Variants in UBE2J2 observed in about 807,000 individuals in gnomAD.
UBE2J2 encodes the protein ubiquitin-conjugating enzyme E2 J2.
In UBE2J2, 5 loss-of-function variants were observed where a neutral mutation model predicts 28.6. The observed-to-expected ratio is 0.17, with a 90% confidence interval of 0.09 to 0.37. UBE2J2 has a LOEUF of 0.37. Among genes scored for constraint, UBE2J2 ranks in the 10% least tolerant of loss-of-function variants. The pLI is 1.00. For missense variants in UBE2J2, 226 were observed against 338.9 expected, an observed-to-expected ratio of 0.67 and a Z score of 2.62; for synonymous variants, 138 against 139.7, an observed-to-expected ratio of 0.99 and a Z score of 0.09.
At position 1,268,050 on chromosome 1, in the gene UBE2J2, C is replaced by G. The variant is rs966565310; in HGVS notation, c.1-58G>C. The G allele has an allele frequency of 6.3e-7, 1 of 1,596,900 alleles. No individual in the cohort carries two copies. Among genetic ancestry groups the G allele is most frequent in the Non-Finnish European group, 8.6e-7 (1 of 1,169,114 alleles). On this transcript the variant is annotated intron_variant, in intron 1 of 6. Coordinates refer to ENST00000349431, the MANE Select transcript of UBE2J2 (RefSeq NM_058167.3). This position sits in a 1 kb window ranked among gnomAD's most constrained non-coding sequence, Gnocchi z 4.7. ...AAGCAGCGCCGGCCACAGCTCTCTC[C>G]CCTGGCGCAGCCCCACTCCCGCCTC...
intron 2 of UBE2J2, chr1:1,266,012 G>C (rs1264303958): frequency 1.6e-5 from 21 of 1,282,974 alleles, no homozygotes; most frequent in Non-Finnish European, 2.0e-5. Context: ...CTGACCCACA[G>C]ATTTGTGGGG....
chr1:1,270,486 C>T (rs2100245401), intron 1 of UBE2J2, among the ~76,000 whole-genome samples: 1 of 152,280 alleles, frequency 6.6e-6, no homozygotes, highest in East Asian at 1.9e-4. Flanking sequence ...AAATGTGTGG[C>T]CTCAGCACCA....
rs1570550834 is a variant in UBE2J2, at chr1:1,260,222, G to C, written c.173-2912C>G. Among the ~76,000 whole-genome samples the C allele has an allele frequency of 2.0e-5, 3 of 152,214 alleles. No individual in the cohort carries two copies. The East Asian group carries it at 5.8e-4, about 29-fold the overall frequency. On this transcript the variant is annotated intron_variant, in intron 3 of 6. Transcript: ENST00000349431. ...TCCACCAGGGAGAGGCGAAGCCCAG[G>C]AATGACACCCAGAAGACACAAGAGA...
chr1:1,260,183 G>A lies in UBE2J2; in HGVS notation c.173-2873C>T, dbSNP rs553465360. Among the ~76,000 whole-genome samples, 4 of 152,312 alleles carry A rather than the reference G, an allele frequency of 2.6e-5. No individual in the cohort carries two copies. In the East Asian group the frequency reaches 7.7e-4, roughly 29 times the overall value. On this transcript the variant is annotated intron_variant, in intron 3 of 6. Transcript: ENST00000349431. Reference sequence around the variant, plus strand: ...AGCAAGTGCCACTGTCACCCATCCTGGCGTGCGGCCACATCCACCAGGGAG... The same window carrying A: ...AGCAAGTGCCACTGTCACCCATCCTAGCGTGCGGCCACATCCACCAGGGAG...
intron 6 of UBE2J2, 27 bp downstream of exon 6, chr1:1,256,018 G>A (rs779400530): frequency 6.6e-7 from 1 of 1,522,866 alleles, no homozygotes; most frequent in East Asian, 2.3e-5. Flanking sequence ...CGCAGGGGAA[G>A]GCGAAACCCA....
At chr1:1,264,960 A>C (rs1312466490) in intron 2 of UBE2J2, 2 of 152,856 alleles carry the variant, frequency 1.3e-5, no homozygotes, top group African/African-American at 4.8e-5. Flanking sequence ...ATGATGTATC[A>C]GCAGAGCCAG....
rs768438753 is a variant in UBE2J2 at position 1,256,992 on chromosome 1, C to T, written c.414G>A (p.Thr138=). 6.5e-6 allele frequency: 10 copies of T among 1,545,842 alleles called. No homozygotes were observed. The highest frequency in any genetic ancestry group is 4.0e-5 in the Admixed American group (2 of 50,302). Residue 138 remains threonine, a splice_region_variant and synonymous_variant, in exon 5 of 7, where the codon ACG becomes ACA. Coordinates refer to ENST00000349431, the MANE Select transcript of UBE2J2 (RefSeq NM_058167.3). ...TLGSIETSDF[T]KRQLAVQSLA... Reference sequence around the variant, plus strand: ...ACCAGGGAGAGGCTCTAAAACTTACCGTGAAGTCCGACGTCTCTATACTGC... The same window carrying T: ...ACCAGGGAGAGGCTCTAAAACTTACTGTGAAGTCCGACGTCTCTATACTGC...
At chr1:1,259,675 C>T (rs1018070620) in intron 3 of UBE2J2, among the ~76,000 whole-genome samples, 1 of 152,198 alleles carries the variant, frequency 6.6e-6, no homozygotes, top group Non-Finnish European at 1.5e-5. Context: ...CTGATCCACC[C>T]AGACGCCCGC....
At position 1,254,113 on chromosome 1, in the gene UBE2J2, T is replaced by C. The variant is rs1557543105; in HGVS notation, c.*1090A>G. On this transcript the variant is annotated 3_prime_UTR_variant, in exon 7 of 7. Coordinates refer to ENST00000349431, the MANE Select transcript of UBE2J2 (RefSeq NM_058167.3). ...GCGGCCGTGCCCCACCTCGACGCGA[T>C]GCACCTGCGGTACATCCCACCCAGG... 6.6e-6 allele frequency: 1 copy of C among 152,166 alleles called. No homozygotes were observed. 9.4% of individuals were successfully genotyped at this position (152,166 alleles called of 1,614,324 possible). A position where few individuals can be genotyped will look rare whatever the true frequency, so the allele number is the denominator to read the frequency against.
Position 1,266,828 on chromosome 1 carries a change from AAATAAT to A in UBE2J2, c.131+1028_131+1033del, listed in dbSNP as rs767336507. Among the ~76,000 whole-genome samples the A allele has an allele frequency of 4.6e-5, 7 of 152,318 alleles. 1 individual carries two copies. The highest frequency in any genetic ancestry group is 2.1e-4 in the South Asian group (1 of 4,824). On this transcript the variant is annotated intron_variant, in intron 2 of 6. Coordinates refer to ENST00000349431, the MANE Select transcript of UBE2J2 (RefSeq NM_058167.3). ...GGTGACAGTGCAAGACTGTCTCAAA[AAATAAT>A]AATAAGTAATTTTTTTTTAAAAGAT...
intron 3 of UBE2J2, among the ~76,000 whole-genome samples, chr1:1,262,620 T>C (rs1008492928): frequency 1.3e-5 from 2 of 152,224 alleles, no homozygotes; most frequent in Non-Finnish European, 2.9e-5. Context: ...GCCCTGTGGC[T>C]GGACAGCAAC....
chr1:1,256,743 G>A (rs1436977988), intron 5 of UBE2J2, among the ~76,000 whole-genome samples: 1 of 152,012 alleles, frequency 6.6e-6, no homozygotes, highest in Non-Finnish European at 1.5e-5. Flanking sequence ...AAAATTAGCC[G>A]GGCGTGGTGG....
At chr1:1,258,983 G>A (rs756244068) in intron 3 of UBE2J2, among the ~76,000 whole-genome samples, 69 of 152,392 alleles carry the variant, frequency 4.5e-4, no homozygotes, top group Middle Eastern at 6.8e-3. Flanking sequence ...ACCTGCATGC[G>A]TTGACGTGTG....
chr1:1,267,538 C>T (rs111895790), intron 2 of UBE2J2, among the ~76,000 whole-genome samples: 5 of 152,348 alleles, frequency 3.3e-5, no homozygotes, highest in African/African-American at 1.2e-4. Flanking sequence ...TGGACCCCTC[C>T]CCTAAGGACC....
At chr1:1,260,963 C>T (rs1009017881) in intron 3 of UBE2J2, among the ~76,000 whole-genome samples, 2 of 152,190 alleles carry the variant, frequency 1.3e-5, no homozygotes, top group South Asian at 2.1e-4. Context: ...AGAGTGGGCA[C>T]GCCTGGGCAG....
intron 1 of UBE2J2, among the ~76,000 whole-genome samples, chr1:1,272,664 C>T (rs1469182667): frequency 6.6e-6 from 1 of 151,834 alleles, no homozygotes; most frequent in Non-Finnish European, 1.5e-5. Flanking sequence ...CCTGGCTCAC[C>T]TGCCTGTCAC....
At position 1,255,438 on chromosome 1, in the gene UBE2J2, T is replaced by C; in HGVS notation, c.545A>G (p.Gln182Arg). ...AACCACGTCTGGCAAGGGGAGAGTCTGGGGTCTGCTACTGAGTTCGTCTTG... is the reference window on the plus strand; with the variant it reads ...AACCACGTCTGGCAAGGGGAGAGTCCGGGGTCTGCTACTGAGTTCGTCTTG... Reference protein sequence around the residue: ...KAQDELSSRPQTLPLPDVVPD... With the variant: ...KAQDELSSRPRTLPLPDVVPD... Residue 182 changes from glutamine (Q) to arginine (R), a missense_variant, in exon 7 of 7, where the codon CAG becomes CGG. By Grantham distance (43) the Gln-to-Arg change is conservative. Coordinates refer to ENST00000349431, the MANE Select transcript of UBE2J2 (RefSeq NM_058167.3). 1 of 1,613,840 alleles carries C rather than the reference T, an allele frequency of 6.2e-7. No individual in the cohort carries two copies. Among genetic ancestry groups the C allele is most frequent in the East Asian group, 2.2e-5 (1 of 44,858 alleles).
At chr1:1,269,521 T>C (rs1240567306) in intron 1 of UBE2J2, among the ~76,000 whole-genome samples, 1 of 151,708 alleles carries the variant, frequency 6.6e-6, no homozygotes, top group Non-Finnish European at 1.5e-5. Context: ...AGTGCAGTGG[T>C]GTGATCTCCG....
At chr1:1,259,796 G>T (rs996719425) in intron 3 of UBE2J2, among the ~76,000 whole-genome samples, 1 of 152,070 alleles carries the variant, frequency 6.6e-6, no homozygotes, top group Non-Finnish European at 1.5e-5. Context: ...GTGGCCCCAC[G>T]GGGCTCGTGC....
Sources: gnomAD v4.1 joint callset for allele counts (sites outside exome capture counted in the v4.1 genomes callset) on GRCh38, gnomAD v4.1.1 for gene constraint, Gnocchi (gnomAD v3.1) non-coding constraint, MANE v1.5 for transcripts, NCBI Gene and HGNC (gene_info 2026-07-23, HGNC 2026-07-21) for gene names.